ANXA3: variants seen among roughly 807,000 people sequenced by gnomAD.
The protein encoded by ANXA3 is annexin A3.
Under a neutral mutation model 48.8 loss-of-function variants are expected in ANXA3, and 46 were observed. That is an observed-to-expected ratio of 0.94 (90% CI 0.74 to 1.21). ANXA3 has a LOEUF of 1.21. ANXA3 is among the 50% of genes most tolerant of loss of function. The pLI is 0.00. For missense variants in ANXA3, 383 were observed against 378.6 expected (o/e 1.01, Z -0.10); for synonymous variants, 128 against 134.7 (o/e 0.95, Z 0.35).
intron 2 of ANXA3, chr4:78,570,918 G>A (rs1456192058): frequency 6.6e-6 from 1 of 152,172 alleles, no homozygotes; most frequent in East Asian, 1.9e-4. Context: ...GAAGCCAGTT[G>A]GCTCTGTGAA....
At chr4:78,573,965 T>C (rs1270216849) in intron 3 of ANXA3, among the ~76,000 whole-genome samples, 1 of 152,214 alleles carries the variant, frequency 6.6e-6, no homozygotes, top group Non-Finnish European at 1.5e-5. Flanking sequence ...TATCAGCCCC[T>C]AGTTTCTGCA....
At chr4:78,579,931 C>T (rs187989325) in intron 4 of ANXA3, among the ~76,000 whole-genome samples, 116 of 152,110 alleles carry the variant, frequency 7.6e-4, no homozygotes, top group African/African-American at 2.7e-3. Flanking sequence ...TCTCAAAAAA[C>T]AAAATAAAAA....
chr4:78,591,578 C>G lies in ANXA3; in HGVS notation c.438C>G (p.Ser146=). 6.2e-7 allele frequency: 1 copy of G among 1,613,510 alleles called. No individual in the cohort carries two copies. The highest frequency in any genetic ancestry group is 8.5e-7 in the Non-Finnish European group (1 of 1,179,636). Residue 146 remains serine, a synonymous_variant, in exon 7 of 13, where the codon TCC becomes TCG. Coordinates refer to ENST00000264908, the MANE Select transcript of ANXA3 (RefSeq NM_005139.3). ...YKKSLGDDIS[S]ETSGDFRKAL... Reference sequence around the variant, plus strand: ...AGAGTCTTGGAGATGACATTAGTTCCGAAACATCTGGTGACTTCCGGAAAG... The same window carrying G: ...AGAGTCTTGGAGATGACATTAGTTCGGAAACATCTGGTGACTTCCGGAAAG...
chr4:78,605,851 G>T (rs1202897380), intron 12 of ANXA3, among the ~76,000 whole-genome samples: 1 of 152,248 alleles, frequency 6.6e-6, no homozygotes, highest in Non-Finnish European at 1.5e-5. Context: ...TGTACCTTAA[G>T]CTCGTGGTTC....
intron 10 of ANXA3, 81 bp from the exon 11 acceptor site, chr4:78,601,429 T>G: frequency 7.3e-7 from 1 of 1,364,824 alleles, no homozygotes; most frequent in Non-Finnish European, 1.0e-6. Flanking sequence ...CCAAAGAATC[T>G]TTTTAAAAAA....
At chr4:78,562,836 G>T (rs1180119006) in intron 2 of ANXA3, among the ~76,000 whole-genome samples, 3 of 152,188 alleles carry the variant, frequency 2.0e-5, no homozygotes, top group Non-Finnish European at 4.4e-5. Flanking sequence ...GGCATGAGAT[G>T]GTGAGCTGAG....
chr4:78,564,091 C>T (rs1178754300), intron 2 of ANXA3, among the ~76,000 whole-genome samples: 1 of 152,202 alleles, frequency 6.6e-6, no homozygotes, highest in East Asian at 1.9e-4. Context: ...CTGCTTTAAA[C>T]AAATACATGA....
chr4:78,583,207 T>C (rs1457334899), intron 5 of ANXA3, among the ~76,000 whole-genome samples: 2 of 152,018 alleles, frequency 1.3e-5, no homozygotes, highest in South Asian at 2.1e-4. Flanking sequence ...CTGTGCATAG[T>C]AGTGCATTCC....
intron 2 of ANXA3, among the ~76,000 whole-genome samples, chr4:78,560,602 C>T (rs571327309): frequency 3.9e-5 from 6 of 152,318 alleles, no homozygotes; most frequent in Non-Finnish European, 7.3e-5. Context: ...TATGTAGACA[C>T]GAATGATTGA....
At chr4:78,583,613 GAA>G (rs531781049) in intron 5 of ANXA3, among the ~76,000 whole-genome samples, 9 of 112,206 alleles carry the variant, frequency 8.0e-5, no homozygotes, top group Admixed American at 1.9e-4. Flanking sequence ...TGCTGTCTCA[GAA>G]AAAAAAAAAA....
At chr4:78,573,149 A>G in intron 2 of ANXA3, 31 bp from the exon 3 acceptor site, 2 of 1,490,928 alleles carry the variant, frequency 1.3e-6, no homozygotes, top group East Asian at 2.3e-5. Context: ...GTCATTTTGA[A>G]CCAATGGGAC....
At chr4:78,555,295 C>T (rs561276707) in intron 2 of ANXA3, among the ~76,000 whole-genome samples, 129 of 152,200 alleles carry the variant, frequency 8.5e-4, no homozygotes, top group Middle Eastern at 3.4e-3. Context: ...CAAAACCAAA[C>T]GCCTAAAAGA....
chr4:78,571,688 A>T (rs986801116), intron 2 of ANXA3, among the ~76,000 whole-genome samples: 4 of 152,248 alleles, frequency 2.6e-5, no homozygotes, highest in Admixed American at 2.6e-4. Context: ...ATTTTTATTC[A>T]AGAAGTTAGG....
chr4:78,578,401 G>A (rs779078021), intron 3 of ANXA3, among the ~76,000 whole-genome samples: 6 of 151,478 alleles, frequency 4.0e-5, no homozygotes, highest in African/African-American at 1.5e-4. Context: ...GAGGGAGAGA[G>A]AGATGTGGAA....
chr4:78,602,495 A>C (rs1021460824), intron 11 of ANXA3: 1 of 152,162 alleles, frequency 6.6e-6, no homozygotes, highest in Non-Finnish European at 1.5e-5. Context: ...CTTGAGACCC[A>C]GTAGATCCTG....
chr4:78,585,763 A>G (rs1314013229), intron 5 of ANXA3, among the ~76,000 whole-genome samples: 1 of 152,180 alleles, frequency 6.6e-6, no homozygotes, highest in Non-Finnish European at 1.5e-5. Context: ...ACCTTGATAT[A>G]AACAGGACTG....
intron 2 of ANXA3, among the ~76,000 whole-genome samples, chr4:78,554,702 G>A (rs1248432632): frequency 6.6e-6 from 1 of 152,128 alleles, no homozygotes; most frequent in Non-Finnish European, 1.5e-5. Context: ...ATGACACCAA[G>A]GCGGAAAGGT....
At chr4:78,590,567 G>A (rs764451942) in intron 6 of ANXA3, among the ~76,000 whole-genome samples, 1 of 152,100 alleles carries the variant, frequency 6.6e-6, no homozygotes, top group Non-Finnish European at 1.5e-5. Context: ...GGGTATAGTG[G>A]CTCCAAGAGA....
intron 12 of ANXA3, among the ~76,000 whole-genome samples, chr4:78,605,722 A>G (rs774647980): frequency 2.4e-4 from 37 of 152,150 alleles, no homozygotes; most frequent in Non-Finnish European, 4.0e-4. Flanking sequence ...AAAGCATGAA[A>G]CCCATTTTCA....
Sources: allele counts gnomAD v4.1 joint callset (sites outside exome capture counted in the v4.1 genomes callset), GRCh38; gene constraint gnomAD v4.1.1; transcripts MANE v1.5; gene names NCBI Gene and HGNC (gene_info 2026-07-23, HGNC 2026-07-21).